Variants in SCTR observed in about 807,000 individuals in gnomAD.
SCTR encodes secretin receptor.
In SCTR, 56 loss-of-function variants were observed where a neutral mutation model predicts 60.8. The ratio of observed to expected loss-of-function variants is 0.92; its 90% CI spans 0.74 to 1.15. The LOEUF (loss-of-function observed/expected upper bound fraction) is 1.15. Ranked by LOEUF, SCTR falls within the 50% of genes most tolerant of loss-of-function variation. The pLI is 0.00. For missense variants in SCTR, 562 were observed against 550.4 expected (o/e 1.02, Z -0.21); for synonymous variants, 202 against 217.0 (o/e 0.93, Z 0.61).
chr2:119,498,099 A>G (rs1678416527), intron 1 of SCTR, among the ~76,000 whole-genome samples: 2 of 152,190 alleles, frequency 1.3e-5, no homozygotes, highest in African/African-American at 4.8e-5. Context: ...TTTGAAAACT[A>G]AAGACTAAGA....
chr2:119,507,235 C>T (rs1206095419), intron 1 of SCTR, among the ~76,000 whole-genome samples: 1 of 152,102 alleles, frequency 6.6e-6, no homozygotes, highest in African/African-American at 2.4e-5. Context: ...AGACTATCAA[C>T]AGTAATACCG....
chr2:119,465,662 T>C, intron 5 of SCTR, 127 bp downstream of exon 5: 1 of 673,204 alleles, frequency 1.5e-6, no homozygotes, highest in Non-Finnish European at 2.7e-6. Flanking sequence ...ATAGGTCAGC[T>C]TTAGATCAAG....
intron 9 of SCTR, among the ~76,000 whole-genome samples, chr2:119,451,458 C>T (rs916040284): frequency 2.0e-5 from 3 of 152,170 alleles, no homozygotes; most frequent in Non-Finnish European, 2.9e-5. Flanking sequence ...AAAAGGGCCA[C>T]CAGGGTTGAC....
Position 119,440,324 on chromosome 2 carries a change from C to T in SCTR, c.1183-67G>A, listed in dbSNP as rs920966427. On this transcript the variant is annotated intron_variant, in intron 12 of 12. Transcript: ENST00000019103. Reference sequence around the variant, plus strand: ...TTCTGTGCCTGGAGCCCTGCTCACTCCCCCAGTGACTCCACGCAGGCCCTG... The same window carrying T: ...TTCTGTGCCTGGAGCCCTGCTCACTTCCCCAGTGACTCCACGCAGGCCCTG... 12 of 1,540,582 alleles carry T rather than the reference C, an allele frequency of 7.8e-6. No homozygotes were observed. In the Admixed American group the frequency reaches 8.8e-5, roughly 11 times the overall value.
chr2:119,443,017 C>G (rs939299545), intron 11 of SCTR, among the ~76,000 whole-genome samples: 1 of 152,052 alleles, frequency 6.6e-6, no homozygotes, highest in Non-Finnish European at 1.5e-5. Flanking sequence ...AACTGAGGCA[C>G]GGAGGGGTTT....
chr2:119,477,653 G>T (rs1452966398), intron 3 of SCTR, among the ~76,000 whole-genome samples: 1 of 152,152 alleles, frequency 6.6e-6, no homozygotes, highest in Non-Finnish European at 1.5e-5. Context: ...GTTTCACCAT[G>T]TTGGCCAGGC....
At chr2:119,523,231 T>C (rs1679340080) in intron 1 of SCTR, among the ~76,000 whole-genome samples, 1 of 151,710 alleles carries the variant, frequency 6.6e-6, no homozygotes, top group Non-Finnish European at 1.5e-5. Flanking sequence ...GGGATGATTC[T>C]GGAATCTGGC....
intron 3 of SCTR, among the ~76,000 whole-genome samples, chr2:119,474,656 C>T (rs62158526): frequency 6.6e-6 from 1 of 152,230 alleles, no homozygotes; most frequent in Admixed American, 6.5e-5. Flanking sequence ...AGGGGCTGGG[C>T]CCCTGGCTAA....
At chr2:119,486,616 C>G (rs1047507344) in intron 2 of SCTR, 6 of 152,216 alleles carry the variant, frequency 3.9e-5, no homozygotes, top group Admixed American at 2.6e-4. Flanking sequence ...TCATTCACAG[C>G]TCAGTTGTGC....
intron 3 of SCTR, among the ~76,000 whole-genome samples, chr2:119,474,953 C>T (rs1677204068): frequency 6.6e-6 from 1 of 152,228 alleles, no homozygotes; most frequent in African/African-American, 2.4e-5. Flanking sequence ...CCCAGTGCAG[C>T]CTCTTGGTCA....
intron 6 of SCTR, among the ~76,000 whole-genome samples, chr2:119,462,511 C>T (rs1173709331): frequency 6.6e-6 from 1 of 152,230 alleles, no homozygotes; most frequent in Non-Finnish European, 1.5e-5. Flanking sequence ...TGGTACATTG[C>T]ACTCTCCACA....
At chr2:119,448,536 C>G (rs533580674) in intron 10 of SCTR, among the ~76,000 whole-genome samples, 153 bp downstream of exon 10, 5 of 152,226 alleles carry the variant, frequency 3.3e-5, no homozygotes, top group African/African-American at 1.2e-4. Context: ...TCAGACCATT[C>G]CCCGCAACCG....
intron 6 of SCTR, 74 bp downstream of exon 6, chr2:119,464,049 T>C: frequency 6.6e-7 from 1 of 1,507,420 alleles, no homozygotes; most frequent in Admixed American, 1.7e-5. Context: ...ACAACTAGGC[T>C]ACTCCCCTCT....
intron 1 of SCTR, among the ~76,000 whole-genome samples, chr2:119,517,830 A>T (rs1406931951): frequency 6.6e-6 from 1 of 152,164 alleles, no homozygotes; most frequent in Non-Finnish European, 1.5e-5. Flanking sequence ...CCTCTCTTCC[A>T]CTTGGATGCT....
intron 12 of SCTR, 99 bp from the exon 13 acceptor site, chr2:119,440,356 C>A (rs935949115): frequency 1.5e-6 from 2 of 1,348,760 alleles, no homozygotes; most frequent in Non-Finnish European, 2.0e-6. Context: ...CCTGCCACTC[C>A]TGCCCAGCTG....
intron 10 of SCTR, 136 bp from the exon 11 acceptor site, chr2:119,447,021 T>C (rs1186916190): frequency 1.1e-6 from 1 of 916,672 alleles, no homozygotes; most frequent in Non-Finnish European, 1.4e-6. Context: ...ACTTTTTTGT[T>C]TTCATTTTTT....
chr2:119,473,332 A>G, intron 4 of SCTR, 121 bp downstream of exon 4: 1 of 674,630 alleles, frequency 1.5e-6, no homozygotes, highest in Non-Finnish European at 2.6e-6. Context: ...TAGCCCTTAC[A>G]TCCTGACCAC....
intron 9 of SCTR, 69 bp from the exon 10 acceptor site, chr2:119,448,849 C>G (rs1350919651): frequency 2.4e-6 from 2 of 830,158 alleles, no homozygotes; most frequent in Non-Finnish European, 4.1e-6. Context: ...CTGGCCCTGT[C>G]CCCTGGACCT....
At chr2:119,445,189 G>C (rs1459091761) in intron 11 of SCTR, among the ~76,000 whole-genome samples, 1 of 152,002 alleles carries the variant, frequency 6.6e-6, no homozygotes, top group Non-Finnish European at 1.5e-5. Flanking sequence ...CCGGGTCCAA[G>C]CTCTCAGCAT....
Sources: allele counts gnomAD v4.1 joint callset (sites outside exome capture counted in the v4.1 genomes callset), GRCh38; gene constraint gnomAD v4.1.1; transcripts MANE v1.5; gene names NCBI Gene and HGNC (gene_info 2026-07-23, HGNC 2026-07-21).